Variants in NRXN1 observed in about 807,000 individuals in gnomAD.
The protein encoded by NRXN1 is neurexin 1, also known as neurexin-1.
Under a neutral mutation model 150.9 loss-of-function variants are expected in NRXN1, and 39 were observed. The ratio of observed to expected loss-of-function variants is 0.26; its 90% CI spans 0.20 to 0.34. The LOEUF (loss-of-function observed/expected upper bound fraction) is 0.34, where lower values mean the gene tolerates loss of function less well. Among genes scored for constraint, NRXN1 ranks in the 10% least tolerant of loss-of-function variants. The pLI is 1.00. For missense variants in NRXN1, 1,815 were observed against 1,949.9 expected (o/e 0.93, Z 1.30); for synonymous variants, 924 against 757.0 (o/e 1.22, Z -3.62).
intron 2 of NRXN1, among the ~76,000 whole-genome samples, chr2:50,975,017 GC>G (rs1695605145): frequency 1.3e-5 from 2 of 151,546 alleles, no homozygotes; most frequent in African/African-American, 4.9e-5. Context: ...TGGTTCCAGG[GC>G]CCCCTGGAAC....
At chr2:50,663,161 C>T (rs546901435) in intron 5 of NRXN1, among the ~76,000 whole-genome samples, 15 of 152,082 alleles carry the variant, frequency 9.9e-5, no homozygotes, top group East Asian at 5.9e-4. Context: ...TGACTTAAAC[C>T]GTTCATCATG....
At chr2:50,526,517 T>C (rs950928176) in intron 12 of NRXN1, among the ~76,000 whole-genome samples, 13 of 152,308 alleles carry the variant, frequency 8.5e-5, no homozygotes, top group African/African-American at 2.6e-4. Flanking sequence ...TTAGTTTTTA[T>C]TGAGTACAAA....
chr2:50,489,408 C>G (rs13402266), intron 15 of NRXN1, among the ~76,000 whole-genome samples: 1 of 152,036 alleles, frequency 6.6e-6, no homozygotes. Context: ...TGAATCCACA[C>G]AAAGGTGCAG....
intron 2 of NRXN1, among the ~76,000 whole-genome samples, chr2:50,944,091 G>C (rs929144472): frequency 6.6e-6 from 1 of 152,192 alleles, no homozygotes; most frequent in African/African-American, 2.4e-5. Context: ...GGAACTTGTA[G>C]ATCTTATTTT....
intron 5 of NRXN1, among the ~76,000 whole-genome samples, chr2:50,788,205 G>A (rs1179344008): frequency 6.6e-6 from 1 of 151,402 alleles, no homozygotes; most frequent in Non-Finnish European, 1.5e-5. Flanking sequence ...TCCTGCTTCT[G>A]CCTCCTGAGC....
intron 18 of NRXN1, among the ~76,000 whole-genome samples, chr2:50,117,836 G>C (rs770356563): frequency 4.4e-4 from 67 of 151,034 alleles, no homozygotes; most frequent in Non-Finnish European, 6.9e-4. Flanking sequence ...ATATAAGATA[G>C]ATTCACTAGC....
At chr2:50,513,985 G>A (rs544082095) in intron 12 of NRXN1, among the ~76,000 whole-genome samples, 14 of 152,234 alleles carry the variant, frequency 9.2e-5, no homozygotes, top group African/African-American at 3.4e-4. Flanking sequence ...TCTTTATGGT[G>A]TACCCTGCTT....
chr2:50,883,411 A>C (rs1179093126), intron 5 of NRXN1, among the ~76,000 whole-genome samples: 1 of 147,076 alleles, frequency 6.8e-6, no homozygotes, highest in Admixed American at 7.0e-5. Context: ...ACAACATTCA[A>C]CATTTACATC....
At chr2:50,386,767 A>G (rs1302073282) in intron 17 of NRXN1, among the ~76,000 whole-genome samples, 1 of 152,172 alleles carries the variant, frequency 6.6e-6, no homozygotes, top group East Asian at 1.9e-4. Context: ...TGTAGTGAGA[A>G]TACTGGGCTA....
chr2:50,754,117 ATTAT>A (rs1700922576), intron 5 of NRXN1, among the ~76,000 whole-genome samples: 1 of 151,920 alleles, frequency 6.6e-6, no homozygotes, highest in African/African-American at 2.4e-5. Flanking sequence ...TCCATTTACA[ATTAT>A]TTAAATTATA....
At chr2:50,019,662 G>A (rs865844565) in intron 21 of NRXN1, among the ~76,000 whole-genome samples, 7 of 33,602 alleles carry the variant, frequency 2.1e-4, no homozygotes, top group Admixed American at 5.4e-4. Flanking sequence ...AAAAAAAAAA[G>A]GAGGCTGGGC....
intron 8 of NRXN1, chr2:50,619,320 GA>G (rs1010090053): frequency 2.0e-5 from 3 of 151,988 alleles, no homozygotes; most frequent in African/African-American, 7.2e-5. Flanking sequence ...AGCTTTTATG[GA>G]AAATATTCAT....
At chr2:49,992,974 C>A (rs556217091) in intron 21 of NRXN1, among the ~76,000 whole-genome samples, 1 of 152,230 alleles carries the variant, frequency 6.6e-6, no homozygotes. Flanking sequence ...CGCACAATTT[C>A]ACAGCCATTT....
chr2:49,951,378 A>G (rs1252277685), intron 21 of NRXN1, among the ~76,000 whole-genome samples: 1 of 151,986 alleles, frequency 6.6e-6, no homozygotes, highest in Admixed American at 6.6e-5. Context: ...GATGACCTCT[A>G]TGCTCATATT....
intron 5 of NRXN1, among the ~76,000 whole-genome samples, chr2:50,819,108 C>T (rs1669342499): frequency 1.3e-5 from 2 of 152,126 alleles, no homozygotes; most frequent in Non-Finnish European, 2.9e-5. Flanking sequence ...CTGTGTGAAA[C>T]AGTATGGAGG....
At chr2:51,016,631 A>C (rs972525157) in intron 2 of NRXN1, among the ~76,000 whole-genome samples, 2 of 152,080 alleles carry the variant, frequency 1.3e-5, no homozygotes, top group Non-Finnish European at 2.9e-5. Context: ...TGTGGAGAAA[A>C]AGAAACGCTT....
At chr2:50,952,427 T>G (rs1414476939) in intron 2 of NRXN1, among the ~76,000 whole-genome samples, 1 of 152,158 alleles carries the variant, frequency 6.6e-6, no homozygotes, top group Non-Finnish European at 1.5e-5. Context: ...CCCTTTAATA[T>G]AAGCTGTTTT....
At chr2:50,267,555 C>T (rs1006641798) in intron 17 of NRXN1, among the ~76,000 whole-genome samples, 3 of 152,086 alleles carry the variant, frequency 2.0e-5, no homozygotes, top group African/African-American at 7.2e-5. Context: ...TGCTTGCATT[C>T]TTTGGGGAGC....
chr2:50,769,078 A>C (rs1405492116), intron 5 of NRXN1, among the ~76,000 whole-genome samples: 1 of 152,126 alleles, frequency 6.6e-6, no homozygotes, highest in African/African-American at 2.4e-5. Context: ...ACAGAAAAAC[A>C]TGTAAATTGT....
Sources: gnomAD v4.1 joint callset for allele counts (sites outside exome capture counted in the v4.1 genomes callset) on GRCh38, gnomAD v4.1.1 for gene constraint, MANE v1.5 for transcripts, NCBI Gene and HGNC (gene_info 2026-07-23, HGNC 2026-07-21) for gene names.